The following ARHGAP17 variants were observed in gnomAD, a reference collection of about 807,000 sequenced individuals.
ARHGAP17 encodes rho GTPase-activating protein 17.
Under a neutral mutation model 99.5 loss-of-function variants are expected in ARHGAP17, and 57 were observed. That is an observed-to-expected ratio of 0.57 (90% CI 0.46 to 0.71). The LOEUF (loss-of-function observed/expected upper bound fraction) is 0.71, where lower values mean the gene tolerates loss of function less well. ARHGAP17 is among the 30% of genes least tolerant of loss of function. ARHGAP17 has a pLI of 0.00. For synonymous variants in ARHGAP17, 417 were observed against 429.6 expected, an observed-to-expected ratio of 0.97 and a Z score of 0.36; for missense variants, 1,000 against 1,122.4, an observed-to-expected ratio of 0.89 and a Z score of 1.56.
chr16:24,952,887 C>T (rs373191665), intron 11 of ARHGAP17, 44 bp downstream of exon 11: 335 of 1,576,916 alleles, frequency 2.1e-4, no homozygotes, highest in Non-Finnish European at 2.5e-4. Context: ...ACCTGCCCAC[C>T]GCCTTGAGGG....
intron 16 of ARHGAP17, among the ~76,000 whole-genome samples, chr16:24,940,473 G>C (rs1018875486): frequency 6.6e-6 from 1 of 152,254 alleles, no homozygotes; most frequent in African/African-American, 2.4e-5. Flanking sequence ...TGGGAGGATC[G>C]CTTTAGCTTG....
At chr16:24,998,876 G>A (rs2053278071) in intron 1 of ARHGAP17, among the ~76,000 whole-genome samples, 1 of 152,204 alleles carries the variant, frequency 6.6e-6, no homozygotes, top group Non-Finnish European at 1.5e-5. Flanking sequence ...AGAAGAAAGG[G>A]GACCAAGCCA....
At chr16:24,929,332 C>A (rs2152444160) in intron 19 of ARHGAP17, among the ~76,000 whole-genome samples, 1 of 152,172 alleles carries the variant, frequency 6.6e-6, no homozygotes, top group East Asian at 1.9e-4. Flanking sequence ...TGCTTGGCCC[C>A]TAAGAAAGAA....
At position 24,935,492 on chromosome 16, in the gene ARHGAP17, G is replaced by A. The variant is rs762858217; in HGVS notation, c.1872C>T (p.Pro624=). 6.2e-7 allele frequency: 1 copy of A among 1,607,924 alleles called. No homozygotes were observed. Among genetic ancestry groups the A allele is most frequent in the South Asian group, 1.1e-5 (1 of 90,118 alleles). The stretch of plus-strand genomic sequence containing the variant: ...TACCTCGGCGCAGTGTATGCGGGCT[G>A]GGCCCTGCAGCATTGTGAGGTTGGC... ...SMGQPHNAAG[P]SPHTLRRAVK... The change falls in exon 18 of 20, where the codon CCC becomes CCT. Residue 624 remains proline (P), a synonymous_variant. Transcript: ENST00000289968.
intron 4 of ARHGAP17, among the ~76,000 whole-genome samples, chr16:24,969,804 G>A (rs548017610): frequency 6.6e-6 from 1 of 152,124 alleles, no homozygotes; most frequent in Non-Finnish European, 1.5e-5. Flanking sequence ...CAGGAGAAAG[G>A]AATGGTGACG....
intron 6 of ARHGAP17, among the ~76,000 whole-genome samples, chr16:24,968,000 G>A (rs1343280043): frequency 6.6e-6 from 1 of 152,152 alleles, no homozygotes; most frequent in African/African-American, 2.4e-5. Context: ...CACAGGGTTT[G>A]TGACATGGCA....
chr16:24,934,887 T>C lies in ARHGAP17; in HGVS notation c.1894+583A>G, dbSNP rs147691331. ...TTCAAGGAACCAAGAGTGGAGTGTG[T>C]TGAGAGGAGGGAGTGTAAGCTCTGG... is the stretch of plus-strand genomic sequence containing the variant. On this transcript the variant is annotated intron_variant, in intron 18 of 19. Coordinates refer to ENST00000289968, the MANE Select transcript of ARHGAP17 (RefSeq NM_001006634.3). Among the ~76,000 whole-genome samples the C allele has an allele frequency of 1.2e-3, 187 of 152,048 alleles. No individual in the cohort carries two copies. The South Asian group carries it at 0.025, about 20-fold the overall frequency.
chr16:25,014,286 C>CG, intron 1 of ARHGAP17, among the ~76,000 whole-genome samples: 1 of 152,188 alleles, frequency 6.6e-6, no homozygotes, highest in Non-Finnish European at 1.5e-5. Context: ...AACACTAAAT[C>CG]GGTACAGTAC....
At chr16:24,930,608 G>A in intron 19 of ARHGAP17, 176 bp downstream of exon 19, 1 of 1,055,604 alleles carries the variant, frequency 9.5e-7, no homozygotes, top group East Asian at 2.4e-5. Flanking sequence ...TAACAAATGG[G>A]TGTAGCTGTG....
chr16:24,954,583 G>T lies in ARHGAP17; in HGVS notation c.852+20C>A. On this transcript the variant is annotated intron_variant, in intron 10 of 19. Transcript: ENST00000289968. ...AGGGGCATGGAGACTTGGTGCACAG[G>T]ATCACGAAGCTCCCCTCACCTCCTC... 3 of 1,607,312 alleles carry T rather than the reference G, an allele frequency of 1.9e-6. No homozygotes were observed. Among genetic ancestry groups the T allele is most frequent in the Non-Finnish European group, 2.5e-6 (3 of 1,176,532 alleles).
intron 10 of ARHGAP17, among the ~76,000 whole-genome samples, chr16:24,953,599 C>T (rs1236273156): frequency 6.6e-6 from 1 of 152,202 alleles, no homozygotes; most frequent in African/African-American, 2.4e-5. Context: ...CCCCTTCCGC[C>T]ATGACTGTAA....
chr16:24,930,810 G>A lies in ARHGAP17; in HGVS notation c.2489C>T (p.Ala830Val), dbSNP rs1297177933. The A allele has an allele frequency of 6.2e-7, 1 of 1,614,156 alleles. No individual in the cohort carries two copies. The highest frequency in any genetic ancestry group is 1.3e-5 in the African/African-American group (1 of 75,018). ...TGTTACTATCTTGGAAGCTGTTGGT[G>A]CTGTGTTGGTGAGGCTGCTGTCCCC... ...SAGDSSLTNT[A>V]PTASKIVTDS... is the part of the protein sequence containing the mutation. Residue 830 changes from alanine to valine, a missense_variant, in exon 19 of 20, where the codon GCA (alanine) becomes GTA (valine). By Grantham distance (64) the Ala-to-Val change is moderately conservative (BLOSUM62 0). Transcript: ENST00000289968.
At chr16:24,956,476 A>G (rs1304281818) in intron 9 of ARHGAP17, 3 of 152,284 alleles carry the variant, frequency 2.0e-5, no homozygotes, top group Non-Finnish European at 4.4e-5. Flanking sequence ...TGAAGGGAAT[A>G]TAAGACACAC....
At chr16:24,983,495 G>C (rs946177528) in intron 1 of ARHGAP17, among the ~76,000 whole-genome samples, 1 of 151,880 alleles carries the variant, frequency 6.6e-6, no homozygotes, top group African/African-American at 2.4e-5. Context: ...TATAGAGATG[G>C]ATTCTCACTA....
chr16:24,976,959 T>C (rs2052535975), intron 3 of ARHGAP17, among the ~76,000 whole-genome samples: 1 of 152,222 alleles, frequency 6.6e-6, no homozygotes. Flanking sequence ...ACACAGCCAT[T>C]CTCTTATCAA....
At position 24,930,976 on chromosome 16, in the gene ARHGAP17, C is replaced by A; in HGVS notation, c.2323G>T (p.Ala775Ser). Residue 775 changes from alanine (A) to serine (S), a missense_variant, in exon 19 of 20, where the codon GCT (alanine) becomes TCT (serine). Ala to Ser is a moderately conservative substitution (Grantham distance 99). Transcript: ENST00000289968. The part of the protein sequence containing the change: ...PLGKQNPSLP[A>S]PQTLAGGNPE... ...TTACCCCCTGCCAGGGTCTGAGGAGCTGGCAGACTGGGGTTCTGTTTTCCT... is the reference window on the plus strand; with the variant it reads ...TTACCCCCTGCCAGGGTCTGAGGAGATGGCAGACTGGGGTTCTGTTTTCCT... The A allele has an allele frequency of 3.7e-6, 6 of 1,613,416 alleles. No homozygotes were observed. The highest frequency in any genetic ancestry group is 1.6e-4 in the Middle Eastern group (1 of 6,062).
At chr16:25,003,674 A>T (rs1366488535) in intron 1 of ARHGAP17, among the ~76,000 whole-genome samples, 1 of 151,820 alleles carries the variant, frequency 6.6e-6, no homozygotes, top group Non-Finnish European at 1.5e-5. Flanking sequence ...AAATACAAAA[A>T]TTAGCCGGGA....
In ARHGAP17 at chr16:24,991,304, G is replaced by A. The variant is rs757365307; in HGVS notation, c.54-12299C>T. Among the ~76,000 whole-genome samples the A allele has an allele frequency of 2.4e-4, 36 of 152,276 alleles. 1 individual carries two copies. Among genetic ancestry groups the A allele is most frequent in the South Asian group, 2.1e-4 (1 of 4,824 alleles). Reference sequence around the variant, plus strand: ...CACCATCTCATGTACTTCATTTAACGTGTTTCGTGGCACCTAGTGAGGGTT... The same window carrying A: ...CACCATCTCATGTACTTCATTTAACATGTTTCGTGGCACCTAGTGAGGGTT... On this transcript the variant is annotated intron_variant, in intron 1 of 19. Transcript: ENST00000289968.
chr16:24,963,012 T>C (rs969618729), intron 7 of ARHGAP17, among the ~76,000 whole-genome samples: 13 of 152,220 alleles, frequency 8.5e-5, no homozygotes, highest in Non-Finnish European at 1.3e-4. Context: ...CTTGAAATAC[T>C]GACAAGTGTG....
Sources: allele counts gnomAD v4.1 joint callset (sites outside exome capture counted in the v4.1 genomes callset), GRCh38; gene constraint gnomAD v4.1.1; transcripts MANE v1.5; gene names NCBI Gene and HGNC (gene_info 2026-07-23, HGNC 2026-07-21).